Variants in PCM1 observed in about 807,000 individuals in gnomAD.
PCM1 encodes pericentriolar material 1 protein.
PCM1 carries 157 observed loss-of-function variants against 241.9 expected under a neutral mutation model. The observed-to-expected ratio is 0.65, with a 90% confidence interval of 0.57 to 0.74. The LOEUF (loss-of-function observed/expected upper bound fraction) is 0.74, where lower values mean the gene tolerates loss of function less well. Ranked by LOEUF, PCM1 falls within the 30% of genes least tolerant of loss-of-function variation. The probability of loss-of-function intolerance (pLI) is 0.00; values close to 1 mark genes in which losing one functional copy is unlikely to be tolerated. For synonymous variants in PCM1, 1,085 were observed against 784.9 expected, an observed-to-expected ratio of 1.38 and a Z score of -6.39; for missense variants, 3,478 against 2,360.1, an observed-to-expected ratio of 1.47 and a Z score of -9.81.
In PCM1 at chr8:17,955,459, G is replaced by A; in HGVS notation, c.1289-11G>A. On this transcript the variant is annotated splice_polypyrimidine_tract_variant and intron_variant, in intron 9 of 38. Transcript: ENST00000325083. ...ATTAAAAAAAATTTTTTGTTGTTGT[G>A]CCTTCTTCAGCCTCTCCACAAAGGA... 1.3e-6 allele frequency: 2 copies of A among 1,553,334 alleles called. No individual in the cohort carries two copies. The highest frequency in any genetic ancestry group is 1.2e-5 in the South Asian group (1 of 80,946).
intron 22 of PCM1, among the ~76,000 whole-genome samples, chr8:17,971,663 C>T (rs1226372231): frequency 6.6e-6 from 1 of 152,212 alleles, no homozygotes; most frequent in African/African-American, 2.4e-5. Flanking sequence ...TGTATGTTCC[C>T]AAGCCCTCTG....
At chr8:18,026,249 G>A (rs2094199786) in intron 38 of PCM1, among the ~76,000 whole-genome samples, 1 of 122,732 alleles carries the variant, frequency 8.1e-6, no homozygotes, top group African/African-American at 3.0e-5. Flanking sequence ...ATTATAAATA[G>A]CAAAAACCCA....
At chr8:18,023,270 G>A (rs966797520) in intron 36 of PCM1, among the ~76,000 whole-genome samples, 1 of 152,048 alleles carries the variant, frequency 6.6e-6, no homozygotes. Context: ...CTTAATCTGG[G>A]GTTGTTTGTA....
At chr8:17,968,688 A>T (rs2075785620) in intron 21 of PCM1, among the ~76,000 whole-genome samples, 1 of 151,222 alleles carries the variant, frequency 6.6e-6, no homozygotes. Flanking sequence ...TACATATATT[A>T]CAGTGTTATG....
At chr8:17,954,230 C>A (rs1280536165) in intron 9 of PCM1, among the ~76,000 whole-genome samples, 2 of 152,054 alleles carry the variant, frequency 1.3e-5, no homozygotes, top group Non-Finnish European at 2.9e-5. Flanking sequence ...GAGTTCGAGA[C>A]CAGCCTGACC....
chr8:18,015,386 G>A (rs1383885101), intron 36 of PCM1, among the ~76,000 whole-genome samples: 1 of 152,152 alleles, frequency 6.6e-6, no homozygotes, highest in African/African-American at 2.4e-5. Flanking sequence ...TGCTTAAGCT[G>A]CAAACATAAA....
At position 17,933,745 on chromosome 8, in the gene PCM1, G is replaced by A. The variant is rs377046527; in HGVS notation, c.-22-1844G>A. ...TTTTTAAAAAATACCTACTCTTTAA[G>A]AATACCACCTTTTCTCTTTTCAGTG... is the stretch of plus-strand genomic sequence containing the variant. On this transcript the variant is annotated intron_variant, in intron 2 of 38. Transcript: ENST00000325083. Among the ~76,000 whole-genome samples, 143 of 152,162 alleles carry A rather than the reference G, an allele frequency of 9.4e-4. 5 individuals carry two copies. In the South Asian group the frequency reaches 0.028, roughly 30 times the overall value.
intron 29 of PCM1, among the ~76,000 whole-genome samples, chr8:17,995,912 G>C (rs914554563): frequency 6.6e-6 from 1 of 152,096 alleles, no homozygotes; most frequent in African/African-American, 2.4e-5. Context: ...TTGTTGATCA[G>C]TTCTAATAGT....
chr8:17,998,219 G>A (rs571634912), intron 29 of PCM1, among the ~76,000 whole-genome samples: 9 of 152,072 alleles, frequency 5.9e-5, no homozygotes, highest in Non-Finnish European at 8.8e-5. Flanking sequence ...TGTTGAGGTC[G>A]TGATTTTCTG....
intron 36 of PCM1, among the ~76,000 whole-genome samples, chr8:18,017,829 G>C (rs1474216603): frequency 6.6e-6 from 1 of 152,000 alleles, no homozygotes; most frequent in East Asian, 1.9e-4. Context: ...CTCCAGCCTG[G>C]GCAACAAGAG....
intron 13 of PCM1, 114 bp downstream of exon 13, chr8:17,957,889 TATGTG>T (rs2069400489): frequency 1.6e-5 from 11 of 700,920 alleles, no homozygotes; most frequent in Middle Eastern, 4.0e-4. Context: ...TTATGTATCA[TATGTG>T]AGGTTTAAAT....
intron 2 of PCM1, among the ~76,000 whole-genome samples, chr8:17,933,642 C>T (rs1273985597): frequency 1.3e-5 from 2 of 152,058 alleles, no homozygotes; most frequent in Non-Finnish European, 2.9e-5. Flanking sequence ...ATTATTACTC[C>T]TAGTTATTTT....
chr8:17,932,148 C>G (rs557090536), intron 2 of PCM1, among the ~76,000 whole-genome samples: 1 of 152,110 alleles, frequency 6.6e-6, no homozygotes. Flanking sequence ...GTATTCTACC[C>G]AGCAAGTGTA....
At chr8:17,937,633 T>G (rs943889360) in intron 4 of PCM1, among the ~76,000 whole-genome samples, 3 of 152,030 alleles carry the variant, frequency 2.0e-5, no homozygotes, top group African/African-American at 7.2e-5. Context: ...CTCAAGTGAT[T>G]TTACTATACA....
In PCM1 at chr8:18,027,177, G is replaced by C. The variant is rs151282350; in HGVS notation, c.6050-460G>C. Among the ~76,000 whole-genome samples, 303 of 152,290 alleles carry C rather than the reference G, an allele frequency of 2.0e-3. 1 individual carries two copies. Among genetic ancestry groups the C allele is most frequent in the African/African-American group, 6.4e-3 (268 of 41,572 alleles). On this transcript the variant is annotated intron_variant, in intron 38 of 38. Coordinates refer to ENST00000325083, the MANE Select transcript of PCM1 (RefSeq NM_006197.4). ...AGACCCTTCAGATATCAGACCTTCA[G>C]TTAATTTCTGTTTTCAGCCCACTTC...
rs758884233 is a variant in PCM1, at chr8:17,967,067, G to C, written c.3309G>C (p.Ser1103=). 31 of 1,608,974 alleles carry C rather than the reference G, an allele frequency of 1.9e-5. No homozygotes were observed. Among genetic ancestry groups the C allele is most frequent in the Non-Finnish European group, 2.6e-5 (31 of 1,177,406 alleles). The change falls in exon 21 of 39, where the codon TCG becomes TCC. Residue 1103 remains serine (S), a synonymous_variant. Coordinates refer to ENST00000325083, the MANE Select transcript of PCM1 (RefSeq NM_006197.4). ...GCAAGGAAAGAGGCAGTAGTGCATC[G>C]CACCCTCCTTCTCCCAGTTTATTTT... ...PGGKERGSSA[S]HPPSPSLFCP...
At position 17,937,114 on chromosome 8, in the gene PCM1, T is replaced by G. The variant is rs757038079; in HGVS notation, c.97-20T>G. ...GGTTTGATACAGGCCATGTTAATTT[T>G]TGCTTTTACTTTTTTAAAGGATTGG... On this transcript the variant is annotated intron_variant, in intron 3 of 38. Coordinates refer to ENST00000325083, the MANE Select transcript of PCM1 (RefSeq NM_006197.4). 16 of 1,529,550 alleles carry G rather than the reference T, an allele frequency of 1.0e-5. No homozygotes were observed. Among genetic ancestry groups the G allele is most frequent in the Non-Finnish European group, 4.4e-6 (5 of 1,135,478 alleles). The allele number at this position is 1,529,550 out of a possible 1,614,324, so 94.7% of individuals were successfully genotyped here.
intron 38 of PCM1, among the ~76,000 whole-genome samples, chr8:18,026,935 G>T (rs932853309): frequency 6.6e-6 from 1 of 151,978 alleles, no homozygotes; most frequent in South Asian, 2.1e-4. Context: ...CTTCTCTGAG[G>T]TTGCTTCTAT....
intron 23 of PCM1, among the ~76,000 whole-genome samples, chr8:17,977,408 A>G (rs2079145880): frequency 6.6e-6 from 1 of 152,228 alleles, no homozygotes; most frequent in Admixed American, 6.5e-5. Context: ...GGCTGAATCT[A>G]GATGGGATAT....
Sources: gnomAD v4.1 joint callset for allele counts (sites outside exome capture counted in the v4.1 genomes callset) on GRCh38, gnomAD v4.1.1 for gene constraint, MANE v1.5 for transcripts, NCBI Gene and HGNC (gene_info 2026-07-23, HGNC 2026-07-21) for gene names.